The following EYS variants were observed in gnomAD, a reference collection of about 807,000 sequenced individuals.
EYS encodes the protein EGF-like photoreceptor maintenance factor.
EYS carries 250 observed loss-of-function variants against 282.1 expected under a neutral mutation model. The ratio of observed to expected loss-of-function variants is 0.89; its 90% confidence interval spans 0.80 to 0.98. The LOEUF (loss-of-function observed/expected upper bound fraction) is 0.98. EYS is among the 50% of genes least tolerant of loss of function. The probability of loss-of-function intolerance (pLI) is 0.00; values close to 1 mark genes in which losing one functional copy is unlikely to be tolerated. For missense variants in EYS, 4,016 were observed against 3,709.0 expected (o/e 1.08, Z -2.15); for synonymous variants, 1,355 against 1,282.9 (o/e 1.06, Z -1.20).
chr6:63,876,421 T>C (rs1434968550), intron 35 of EYS, among the ~76,000 whole-genome samples: 1 of 152,222 alleles, frequency 6.6e-6, no homozygotes, highest in Non-Finnish European at 1.5e-5. Flanking sequence ...ATAAGTGCGA[T>C]GTGGTGCTGA....
chr6:65,606,923 T>A (rs904523109), intron 2 of EYS, among the ~76,000 whole-genome samples: 66 of 151,574 alleles, frequency 4.4e-4, no homozygotes, highest in African/African-American at 1.5e-3. Flanking sequence ...GTTATTTTAA[T>A]GAATGAAGAA....
At chr6:64,223,860 G>T (rs568108891) in intron 31 of EYS, among the ~76,000 whole-genome samples, 3 of 152,158 alleles carry the variant, frequency 2.0e-5, no homozygotes, top group Admixed American at 6.5e-5. Flanking sequence ...ACTTCCCAGT[G>T]TGCATGCATA....
At chr6:64,799,916 T>C (rs1411658037) in intron 22 of EYS, among the ~76,000 whole-genome samples, 1 of 151,912 alleles carries the variant, frequency 6.6e-6, no homozygotes, top group Admixed American at 6.6e-5. Flanking sequence ...TCTCTGACTG[T>C]CTTTCTTTGT....
chr6:64,461,213 T>C (rs1177079230), intron 26 of EYS, among the ~76,000 whole-genome samples: 4 of 152,216 alleles, frequency 2.6e-5, no homozygotes, highest in African/African-American at 9.7e-5. Context: ...CATTTTAGTA[T>C]GCCTTTTGGT....
At chr6:65,495,734 G>T in intron 3 of EYS, 125 bp downstream of exon 3, 1 of 359,294 alleles carries the variant, frequency 2.8e-6, no homozygotes, top group South Asian at 3.3e-5. Context: ...CAGCAGCTGG[G>T]GACCTTCTTT....
chr6:65,011,814 GA>G (rs1771880340), intron 13 of EYS, among the ~76,000 whole-genome samples: 1 of 152,162 alleles, frequency 6.6e-6, no homozygotes, highest in African/African-American at 2.4e-5. Context: ...AGGAGGTAAA[GA>G]AATAGCCAAT....
At chr6:64,519,081 C>A (rs139823823) in intron 26 of EYS, among the ~76,000 whole-genome samples, 6 of 151,812 alleles carry the variant, frequency 4.0e-5, no homozygotes, top group African/African-American at 1.4e-4. Context: ...GAATGCAGAG[C>A]CTCCAGGAAG....
intron 26 of EYS, among the ~76,000 whole-genome samples, chr6:64,522,999 G>T (rs1777803872): frequency 6.6e-6 from 1 of 150,408 alleles, no homozygotes. Context: ...CTTTTCAAAA[G>T]AAAAAAATGT....
chr6:63,903,275 G>C (rs954748011), intron 35 of EYS, among the ~76,000 whole-genome samples: 2 of 152,168 alleles, frequency 1.3e-5, no homozygotes, highest in African/African-American at 4.8e-5. Flanking sequence ...GCTAATACAT[G>C]TGAGGGGTAG....
chr6:65,699,624 C>T (rs1409027262), intron 1 of EYS, among the ~76,000 whole-genome samples: 1 of 152,054 alleles, frequency 6.6e-6, no homozygotes, highest in Admixed American at 6.6e-5. Flanking sequence ...AGATTTTTAA[C>T]TGATGGGGTA....
At chr6:64,092,066 A>G (rs1772384356) in intron 31 of EYS, among the ~76,000 whole-genome samples, 1 of 152,140 alleles carries the variant, frequency 6.6e-6, no homozygotes, top group African/African-American at 2.4e-5. Flanking sequence ...CCATGTCCCT[A>G]CAAAGCACAT....
chr6:64,689,567 C>T (rs917679896), intron 22 of EYS, among the ~76,000 whole-genome samples: 2 of 152,164 alleles, frequency 1.3e-5, no homozygotes, highest in African/African-American at 4.8e-5. Flanking sequence ...CACTACCTGA[C>T]TTCACACTAT....
chr6:65,532,232 G>T (rs1429584231), intron 2 of EYS, among the ~76,000 whole-genome samples: 1 of 151,914 alleles, frequency 6.6e-6, no homozygotes, highest in African/African-American at 2.4e-5. Flanking sequence ...AAAAATCTAA[G>T]ATTATAACCA....
chr6:64,776,898 G>T (rs752702085), intron 22 of EYS, among the ~76,000 whole-genome samples: 2 of 152,100 alleles, frequency 1.3e-5, no homozygotes, highest in Non-Finnish European at 2.9e-5. Flanking sequence ...TTCTCATGCT[G>T]CTATAAGGAC....
chr6:65,643,252 C>T (rs745874281), intron 1 of EYS, among the ~76,000 whole-genome samples: 3 of 152,044 alleles, frequency 2.0e-5, no homozygotes, highest in South Asian at 4.1e-4. Context: ...GTGAGTCCTG[C>T]GACTGCTGAC....
At chr6:64,655,640 A>G (rs1346285857) in intron 22 of EYS, among the ~76,000 whole-genome samples, 1 of 152,108 alleles carries the variant, frequency 6.6e-6, no homozygotes, top group African/African-American at 2.4e-5. Flanking sequence ...CTACAAATGC[A>G]TTACATAACC....
chr6:63,958,591 A>T (rs1029411135), intron 35 of EYS, among the ~76,000 whole-genome samples: 1 of 152,250 alleles, frequency 6.6e-6, no homozygotes, highest in Non-Finnish European at 1.5e-5. Flanking sequence ...CAGAGTTTCA[A>T]TGTAGCGAAA....
Position 64,169,431 on chromosome 6 carries a change from G to GTTTTTTTTTTTTTTTTTTTTTTTTTT in EYS, c.6424+61160_6424+61161insAAAAAAAAAAAAAAAAAAAAAAAAAA, listed in dbSNP as rs35657029. ...ACATACTCAAACAATTTGAGGAGGA[G>GTTTTTTTTTTTTTTTTTTTTTTTTTT]TTTTTTTTTTTTTTTTACAAAAAGG... is the stretch of plus-strand genomic sequence containing the variant. On this transcript the variant is annotated intron_variant, in intron 31 of 42. Coordinates refer to ENST00000503581, the MANE Select transcript of EYS (RefSeq NM_001142800.2). Among the ~76,000 whole-genome samples, 57 of 140,980 alleles carry GTTTTTTTTTTTTTTTTTTTTTTTTTT rather than the reference G, an allele frequency of 4.0e-4. 1 individual carries two copies. The highest frequency in any genetic ancestry group is 1.5e-3 in the African/African-American group (54 of 36,418). 92.5% of individuals were successfully genotyped at this position (140,980 alleles called of 152,430 possible).
chr6:65,198,974 A>G (rs1765835803), intron 12 of EYS, among the ~76,000 whole-genome samples: 1 of 152,104 alleles, frequency 6.6e-6, no homozygotes, highest in African/African-American at 2.4e-5. Context: ...TATGATGTAG[A>G]ATGGCCTAGC....
Sources: gnomAD v4.1 joint callset for allele counts (sites outside exome capture counted in the v4.1 genomes callset) on GRCh38, gnomAD v4.1.1 for gene constraint, MANE v1.5 for transcripts, NCBI Gene and HGNC (gene_info 2026-07-23, HGNC 2026-07-21) for gene names.